Variants in CEP72 observed in about 807,000 individuals in gnomAD.
The protein encoded by CEP72 is centrosomal protein 72.
In CEP72, 78 loss-of-function variants were observed where a neutral mutation model predicts 65.7. That is an observed-to-expected ratio of 1.19 (90% CI 0.99 to 1.43). CEP72 has a LOEUF of 1.43. CEP72 is among the 40% of genes most tolerant of loss of function. The probability of loss-of-function intolerance (pLI) is 0.00; values close to 1 mark genes in which losing one functional copy is unlikely to be tolerated. For synonymous variants in CEP72, 358 were observed against 351.7 expected (o/e 1.02, Z -0.20); for missense variants, 914 against 832.9 (o/e 1.10, Z -1.20).
Position 620,054 on chromosome 5 carries a change from G to A in CEP72, c.211-15G>A. ...TTTAAAGTGTGAATGAATTCACTGTGTTTTCTGTTGACAGGGCATTCAGTA... is the reference window on the plus strand; with the variant it reads ...TTTAAAGTGTGAATGAATTCACTGTATTTTCTGTTGACAGGGCATTCAGTA... On this transcript the variant is annotated splice_polypyrimidine_tract_variant and intron_variant, in intron 2 of 11. Transcript: ENST00000264935. The A allele has an allele frequency of 6.3e-7, 1 of 1,590,740 alleles. No homozygotes were observed. Among genetic ancestry groups the A allele is most frequent in the Non-Finnish European group, 8.6e-7 (1 of 1,159,948 alleles).
At chr5:651,510 G>T (rs1015385558) in intron 11 of CEP72, among the ~76,000 whole-genome samples, 20 of 151,982 alleles carry the variant, frequency 1.3e-4, no homozygotes, top group Non-Finnish European at 2.8e-4. Flanking sequence ...TAGTCCGGCA[G>T]CTGTGCTTCC....
chr5:676,484 G>C, the CEP72 span: 2 of 152,300 alleles, frequency 1.3e-5, no homozygotes, highest in African/African-American at 4.8e-5. Context: ...AGGCCGCAGA[G>C]GGGGAAGGTG....
At chr5:643,376 G>A in intron 9 of CEP72, 1 of 985,468 alleles carries the variant, frequency 1.0e-6, no homozygotes, top group Non-Finnish European at 1.2e-6. Flanking sequence ...AGACACCTTG[G>A]GGAGAAGTCC....
intron 3 of CEP72, among the ~76,000 whole-genome samples, chr5:621,159 TATAA>T (rs1480892950): frequency 3.3e-5 from 5 of 152,238 alleles, no homozygotes; most frequent in Non-Finnish European, 5.9e-5. Context: ...GCCAGGGGCC[TATAA>T]ACGTTCCCTG....
chr5:615,158 A>T lies in CEP72; in HGVS notation c.82+2715A>T, dbSNP rs541681918. ...TCTTTTTTTTTTTTTTTTTTGAGAC[A>T]GAGTTTCCTTCTTGTCCCCCAGGCT... On this transcript the variant is annotated intron_variant, in intron 1 of 11. Transcript: ENST00000264935. 1.5e-4 allele frequency among the ~76,000 whole-genome samples: 19 copies of T among 127,662 alleles called. No individual in the cohort carries two copies. In the South Asian group the frequency reaches 3.4e-3, roughly 23 times the overall value. The allele number at this position is 127,662 out of a possible 152,430, so 83.8% of individuals were successfully genotyped here. A position where few individuals can be genotyped will look rare whatever the true frequency, so the allele number is the denominator to read the frequency against.
chr5:670,087 G>T (rs1032628071), downstream of CEP72, among the ~76,000 whole-genome samples: 1 of 152,132 alleles, frequency 6.6e-6, no homozygotes, highest in African/African-American at 2.4e-5. Flanking sequence ...GAGTCCCCTG[G>T]CCTCTGGGCC....
Position 627,188 on chromosome 5 carries a change from A to G in CEP72, c.512+2609A>G, listed in dbSNP as rs4957076. Among the ~76,000 whole-genome samples, 900 of 152,286 alleles carry G rather than the reference A, an allele frequency of 5.9e-3. 30 individuals are homozygous for G. The highest frequency in any genetic ancestry group is 0.05 in the Admixed American group (767 of 15,296). ...TGATTTCTTTAATAGAGATCTCTAC[A>G]GTTTGTCTGTTTTGGCAGATTGTTT... On this transcript the variant is annotated intron_variant, in intron 4 of 11. Coordinates refer to ENST00000264935, the MANE Select transcript of CEP72 (RefSeq NM_018140.4).
At chr5:654,310 CTGTGTGTACGCT>C (rs1452520355), downstream of CEP72, among the ~76,000 whole-genome samples, 2 of 146,934 alleles carry the variant, frequency 1.4e-5, no homozygotes, top group African/African-American at 5.1e-5. Flanking sequence ...TGTGTGCTAG[CTGTGTGTACGCT>C]TGTGTGTGCG....
At chr5:640,827 C>T (rs1579994704) in intron 9 of CEP72, 3 of 985,486 alleles carry the variant, frequency 3.0e-6, no homozygotes, top group African/African-American at 3.5e-5. Flanking sequence ...GCGCTGGCCA[C>T]CTTCTCTCCC....
At chr5:648,652 G>A (rs1419129769) in intron 11 of CEP72, among the ~76,000 whole-genome samples, 2 of 141,484 alleles carry the variant, frequency 1.4e-5, no homozygotes, top group South Asian at 5.2e-4. Context: ...GTGTGACTGT[G>A]AGGTGTGACT....
intron 4 of CEP72, among the ~76,000 whole-genome samples, chr5:627,792 G>A (rs2126758041): frequency 6.6e-6 from 1 of 152,310 alleles, no homozygotes; most frequent in East Asian, 1.9e-4. Context: ...TCAAAAAATA[G>A]TATTTTACTT....
At chr5:672,594 G>A in the CEP72 span, among the ~76,000 whole-genome samples, 1 of 152,236 alleles carries the variant, frequency 6.6e-6, no homozygotes, top group East Asian at 1.9e-4. Flanking sequence ...GGCTGGTGGT[G>A]TTTGGTGCAG....
At chr5:625,913 A>T (rs958326317) in intron 4 of CEP72, among the ~76,000 whole-genome samples, 2 of 151,862 alleles carry the variant, frequency 1.3e-5, no homozygotes, top group African/African-American at 4.8e-5. Flanking sequence ...TTAGAAGGAC[A>T]CCAGTGATCG....
chr5:648,158 G>A (rs540087507), intron 11 of CEP72, among the ~76,000 whole-genome samples: 27 of 152,400 alleles, frequency 1.8e-4, no homozygotes, highest in Non-Finnish European at 2.8e-4. Context: ...GACCCATGAG[G>A]TGTGGATGTG....
chr5:615,774 C>G (rs760682041), intron 1 of CEP72, among the ~76,000 whole-genome samples: 1 of 152,032 alleles, frequency 6.6e-6, no homozygotes, highest in African/African-American at 2.4e-5. Context: ...GTGACTTACT[C>G]GAATATTTTT....
chr5:640,977 T>G (rs1737975996), intron 9 of CEP72: 1 of 985,460 alleles, frequency 1.0e-6, no homozygotes, highest in East Asian at 1.1e-4. Context: ...ATGAAGGAGA[T>G]GACGGCCAGT....
At chr5:642,550 TGTGCCGAGCACCA>T in intron 9 of CEP72, 1 of 985,450 alleles carries the variant, frequency 1.0e-6, no homozygotes, top group Non-Finnish European at 1.2e-6. Context: ...AGCCCAAAGG[TGTGCCGAGCACCA>T]GTGCTGCCAG....
In CEP72 at chr5:652,986, A is replaced by T. The variant is rs1426625960; in HGVS notation, c.1779-2A>T. The T allele has an allele frequency of 1.2e-6, 2 of 1,602,874 alleles. No individual in the cohort carries two copies. Among genetic ancestry groups the T allele is most frequent in the African/African-American group, 2.7e-5 (2 of 74,610 alleles). On this transcript the variant is annotated splice_acceptor_variant, in intron 11 of 11. Transcript: ENST00000264935. LOFTEE classifies it high-confidence loss of function. The stretch of plus-strand genomic sequence containing the variant: ...AGCAGCCGCTTCCCTGTTGTTCTGC[A>T]GCTCCCTGGTCAGCACCAATGAACA...
At chr5:649,134 A>C (rs1431434769) in intron 11 of CEP72, among the ~76,000 whole-genome samples, 1 of 131,616 alleles carries the variant, frequency 7.6e-6, no homozygotes, top group Non-Finnish European at 1.6e-5. Context: ...GTGAGGCGTG[A>C]CTGTGAGGCG....
Sources: gnomAD v4.1 joint callset for allele counts (sites outside exome capture counted in the v4.1 genomes callset) on GRCh38, gnomAD v4.1.1 for gene constraint, MANE v1.5 for transcripts, NCBI Gene and HGNC (gene_info 2026-07-23, HGNC 2026-07-21) for gene names.